Variants in CAMKMT observed in about 807,000 individuals in gnomAD.
The protein encoded by CAMKMT is calmodulin-lysine N-methyltransferase.
Under a neutral mutation model 48.0 loss-of-function variants are expected in CAMKMT, and 53 were observed. The observed-to-expected ratio is 1.10, with a 90% CI of 0.89 to 1.39. The LOEUF is 1.39. CAMKMT is among the 40% of genes most tolerant of loss of function. CAMKMT has a pLI of 0.00. For synonymous variants in CAMKMT, 165 were observed against 152.3 expected (o/e 1.08, Z -0.61); for missense variants, 428 against 402.7 (o/e 1.06, Z -0.54).
intron 3 of CAMKMT, among the ~76,000 whole-genome samples, chr2:44,692,573 T>C (rs895436110): frequency 1.3e-5 from 2 of 152,222 alleles, no homozygotes; most frequent in African/African-American, 2.4e-5. Flanking sequence ...TATCCTCAGC[T>C]TCTAGAACAG....
At chr2:44,562,629 C>G (rs1314837389) in intron 3 of CAMKMT, among the ~76,000 whole-genome samples, 1 of 152,140 alleles carries the variant, frequency 6.6e-6, no homozygotes, top group Non-Finnish European at 1.5e-5. Context: ...GACACAATCT[C>G]AGTTCACTGC....
intron 6 of CAMKMT, among the ~76,000 whole-genome samples, chr2:44,714,426 C>G (rs1395733121): frequency 6.6e-6 from 1 of 152,210 alleles, no homozygotes; most frequent in African/African-American, 2.4e-5. Flanking sequence ...ACAAGTCCTT[C>G]CATGCCAAAG....
chr2:44,724,018 G>T (rs1256699014), intron 7 of CAMKMT, among the ~76,000 whole-genome samples: 1 of 152,194 alleles, frequency 6.6e-6, no homozygotes, highest in Non-Finnish European at 1.5e-5. Flanking sequence ...TAAGGGAAGT[G>T]TTCTTAATCA....
intron 3 of CAMKMT, among the ~76,000 whole-genome samples, chr2:44,511,599 C>T (rs192384960): frequency 2.1e-3 from 324 of 152,258 alleles, no homozygotes; most frequent in African/African-American, 7.4e-3. Context: ...TATTTCATTC[C>T]TTTTTATGGC....
intron 3 of CAMKMT, among the ~76,000 whole-genome samples, chr2:44,615,316 G>A (rs1435488239): frequency 6.6e-6 from 1 of 152,170 alleles, no homozygotes; most frequent in African/African-American, 2.4e-5. Context: ...TTAGAAAGAT[G>A]TAAGTCCAAA....
chr2:44,614,938 T>C (rs1280531579), intron 3 of CAMKMT, among the ~76,000 whole-genome samples: 11 of 95,722 alleles, frequency 1.1e-4, no homozygotes, highest in Admixed American at 2.1e-4. Context: ...TCTCCTTGCT[T>C]TTTTTTTTTT....
At chr2:44,450,297 G>A (rs756381570) in intron 3 of CAMKMT, among the ~76,000 whole-genome samples, 46 of 152,136 alleles carry the variant, frequency 3.0e-4, no homozygotes, top group South Asian at 6.2e-4. Flanking sequence ...CATGTGCCTT[G>A]AATGGCATGT....
intron 3 of CAMKMT, among the ~76,000 whole-genome samples, chr2:44,525,170 GATT>G (rs1374230684): frequency 2.6e-5 from 4 of 152,140 alleles, no homozygotes; most frequent in Admixed American, 2.6e-4. Context: ...TAGTAAATTA[GATT>G]ATTATTTTAG....
intron 3 of CAMKMT, among the ~76,000 whole-genome samples, chr2:44,585,098 A>G (rs1351853930): frequency 3.3e-5 from 5 of 152,100 alleles, no homozygotes; most frequent in African/African-American, 1.2e-4. Flanking sequence ...AAACCAAAGT[A>G]GTTTTAGTGC....
At chr2:44,635,659 A>G (rs1673088093) in intron 3 of CAMKMT, among the ~76,000 whole-genome samples, 1 of 152,178 alleles carries the variant, frequency 6.6e-6, no homozygotes, top group Non-Finnish European at 1.5e-5. Context: ...TATGACTTTT[A>G]TTTTAGTTGT....
Position 44,575,681 on chromosome 2 carries a change from G to A in CAMKMT, c.377-128602G>A, listed in dbSNP as rs116755444. ...GCTCAGGAGTTTGATACCAGCCTTGGCAACATGGCGAAACCCCATCTCTCT... is the reference window on the plus strand; with the variant it reads ...GCTCAGGAGTTTGATACCAGCCTTGACAACATGGCGAAACCCCATCTCTCT... On this transcript the variant is annotated intron_variant, in intron 3 of 10. Transcript: ENST00000378494. Among the ~76,000 whole-genome samples the A allele has an allele frequency of 7.6e-3, 1,156 of 151,888 alleles. 16 individuals carry two copies. The highest frequency in any genetic ancestry group is 0.027 in the African/African-American group (1,098 of 41,432).
chr2:44,604,763 T>A (rs1370899251), intron 3 of CAMKMT, among the ~76,000 whole-genome samples: 1 of 152,116 alleles, frequency 6.6e-6, no homozygotes, highest in Non-Finnish European at 1.5e-5. Flanking sequence ...GTGCTTATAC[T>A]AAAGGTTTTT....
At chr2:44,498,857 G>C (rs1312187652) in intron 3 of CAMKMT, among the ~76,000 whole-genome samples, 1 of 152,136 alleles carries the variant, frequency 6.6e-6, no homozygotes, top group East Asian at 1.9e-4. Context: ...TCTTTTGACT[G>C]TTGGAAATAA....
intron 3 of CAMKMT, among the ~76,000 whole-genome samples, chr2:44,690,506 G>C (rs983846643): frequency 6.6e-6 from 1 of 152,204 alleles, no homozygotes; most frequent in African/African-American, 2.4e-5. Context: ...AACCCTGGCT[G>C]TGCCGCTTCA....
intron 3 of CAMKMT, among the ~76,000 whole-genome samples, chr2:44,397,609 A>G (rs1477876452): frequency 6.6e-6 from 1 of 152,100 alleles, no homozygotes; most frequent in Non-Finnish European, 1.5e-5. Context: ...GCGTGCCCCT[A>G]ATTCATAAAC....
chr2:44,610,233 C>G (rs1272322452), intron 3 of CAMKMT, among the ~76,000 whole-genome samples: 1 of 152,034 alleles, frequency 6.6e-6, no homozygotes, highest in Non-Finnish European at 1.5e-5. Context: ...TCTCTTGGTT[C>G]CATGAGAGCT....
intron 3 of CAMKMT, among the ~76,000 whole-genome samples, chr2:44,429,780 C>A (rs375618176): frequency 3.6e-5 from 5 of 137,952 alleles, no homozygotes; most frequent in South Asian, 2.3e-4. Flanking sequence ...CGCAGTCCGG[C>A]CTGGGCGACA....
chr2:44,611,212 AC>A (rs1490184641), intron 3 of CAMKMT, among the ~76,000 whole-genome samples: 1 of 152,084 alleles, frequency 6.6e-6, no homozygotes, highest in Non-Finnish European at 1.5e-5. Context: ...TGGGTGGATC[AC>A]CCGAGGTCAG....
chr2:44,512,511 T>C (rs1670618731), intron 3 of CAMKMT, among the ~76,000 whole-genome samples: 1 of 152,224 alleles, frequency 6.6e-6, no homozygotes, highest in South Asian at 2.1e-4. Flanking sequence ...TCTTCTGACC[T>C]ACAGGTACCT....
Sources: gnomAD v4.1 joint callset for allele counts (sites outside exome capture counted in the v4.1 genomes callset) on GRCh38, gnomAD v4.1.1 for gene constraint, MANE v1.5 for transcripts, NCBI Gene and HGNC (gene_info 2026-07-23, HGNC 2026-07-21) for gene names.